DCDC2C: variants seen among roughly 807,000 people sequenced by gnomAD.
The protein encoded by DCDC2C is doublecortin domain-containing protein 2C.
Under a neutral mutation model 45.0 loss-of-function variants are expected in DCDC2C, and 44 were observed. The observed-to-expected ratio is 0.98, with a 90% confidence interval of 0.77 to 1.26. The LOEUF is 1.26. Among genes scored for constraint, DCDC2C ranks in the 50% most tolerant of loss-of-function variants. DCDC2C has a pLI of 0.00. For synonymous variants in DCDC2C, 187 were observed against 178.8 expected, an observed-to-expected ratio of 1.05 and a Z score of -0.37; for missense variants, 447 against 468.9, an observed-to-expected ratio of 0.95 and a Z score of 0.43.
At chr2:3,715,738 C>T (rs1183584742) in intron 2 of DCDC2C, among the ~76,000 whole-genome samples, 1 of 152,152 alleles carries the variant, frequency 6.6e-6, no homozygotes, top group Non-Finnish European at 1.5e-5. Flanking sequence ...TCACTAAATA[C>T]TTCTTGAGCA....
rs149245787 is a variant in DCDC2C, at chr2:3,774,702, G to A, written c.955-4114G>A. Among the ~76,000 whole-genome samples the A allele has an allele frequency of 1.5e-3, 234 of 152,250 alleles. 1 individual carries two copies. The highest frequency in any genetic ancestry group is 0.011 in the Admixed American group (171 of 15,288). On this transcript the variant is annotated intron_variant, in intron 8 of 10. Coordinates refer to ENST00000399143, the MANE Select transcript of DCDC2C (RefSeq NM_001287444.2). ...TTAGCGGAATCAGCCTTTACTTCTC[G>A]TGTCTGGAAAGGGATTCAGGCTCCG...
chr2:3,748,735 C>G (rs1049956389), intron 4 of DCDC2C, among the ~76,000 whole-genome samples: 1 of 152,120 alleles, frequency 6.6e-6, no homozygotes, highest in African/African-American at 2.4e-5. Flanking sequence ...GTTCTGGGCT[C>G]AGCTTCCTGA....
rs193044351 is a variant in DCDC2C, at chr2:3,765,282, G to A, written c.727-2472G>A. Among the ~76,000 whole-genome samples, 74 of 152,308 alleles carry A rather than the reference G, an allele frequency of 4.9e-4. No individual in the cohort carries two copies. The East Asian group carries it at 0.014, about 28-fold the overall frequency. Reference sequence around the variant, plus strand: ...GAGCAACTATTATGCTTGCTGAATTGAACACACGCACATATTGAGAGCTGA... The same window carrying A: ...GAGCAACTATTATGCTTGCTGAATTAAACACACGCACATATTGAGAGCTGA... On this transcript the variant is annotated intron_variant, in intron 6 of 10. Coordinates refer to ENST00000399143, the MANE Select transcript of DCDC2C (RefSeq NM_001287444.2).
At chr2:3,746,250 C>T (rs1439461779) in intron 4 of DCDC2C, among the ~76,000 whole-genome samples, 1 of 152,166 alleles carries the variant, frequency 6.6e-6, no homozygotes, top group Admixed American at 6.5e-5. Context: ...AGAGACCTTC[C>T]AGAAGAGATG....
At chr2:3,817,187 G>T (rs1671577157) in intron 10 of DCDC2C, among the ~76,000 whole-genome samples, 2 of 152,322 alleles carry the variant, frequency 1.3e-5, no homozygotes, top group African/African-American at 2.4e-5. Context: ...CATTAGCACT[G>T]CCCTGAGTGA....
At chr2:3,759,281 T>G (rs1429325695) in intron 6 of DCDC2C, among the ~76,000 whole-genome samples, 1 of 152,210 alleles carries the variant, frequency 6.6e-6, no homozygotes, top group Non-Finnish European at 1.5e-5. Flanking sequence ...TTCTCATTTT[T>G]CTTTATGTAC....
chr2:3,837,620 G>GCATACAGTATCAAGAGAGGC lies in DCDC2C; in HGVS notation c.1066-9534_1066-9533insCATACAGTATCAAGAGAGGC, dbSNP rs1672113253. ...TCTCATCTAAAGGGGAAGAAACTGA[G>GCATACAGTATCAAGAGAGGC]GAAGAAATCAGCCTTTGGCTCCCCC... On this transcript the variant is annotated intron_variant, in intron 10 of 10. Coordinates refer to ENST00000399143, the MANE Select transcript of DCDC2C (RefSeq NM_001287444.2). Among the ~76,000 whole-genome samples, 2 of 102,384 alleles carry GCATACAGTATCAAGAGAGGC rather than the reference G, an allele frequency of 2.0e-5. 1 individual carries two copies. The highest frequency in any genetic ancestry group is 4.7e-5 in the Non-Finnish European group (2 of 43,000). 67.2% of individuals were successfully genotyped at this position (102,384 alleles called of 152,430 possible). A position where few individuals can be genotyped will look rare whatever the true frequency, so the allele number is the denominator to read the frequency against.
chr2:3,777,508 C>A (rs562923902), intron 8 of DCDC2C, among the ~76,000 whole-genome samples: 1 of 152,118 alleles, frequency 6.6e-6, no homozygotes, highest in Non-Finnish European at 1.5e-5. Context: ...GATATCACAT[C>A]GACTATTCTT....
intron 3 of DCDC2C, among the ~76,000 whole-genome samples, chr2:3,733,431 C>G (rs1668930890): frequency 6.6e-6 from 1 of 152,178 alleles, no homozygotes. Context: ...CCATGTGGCT[C>G]TCTTGTGTTA....
At chr2:3,772,800 G>A (rs1433940034) in intron 8 of DCDC2C, among the ~76,000 whole-genome samples, 1 of 152,120 alleles carries the variant, frequency 6.6e-6, no homozygotes. Context: ...CTCTATCAAC[G>A]GACACAGGGC....
intron 3 of DCDC2C, among the ~76,000 whole-genome samples, chr2:3,737,933 A>G (rs560191149): frequency 1.3e-5 from 2 of 152,358 alleles, no homozygotes; most frequent in African/African-American, 4.8e-5. Context: ...TGCATTGACA[A>G]AGTAGTTTTA....
chr2:3,791,106 C>T (rs1670798384), intron 10 of DCDC2C, among the ~76,000 whole-genome samples: 1 of 149,004 alleles, frequency 6.7e-6, no homozygotes, highest in African/African-American at 2.4e-5. Context: ...GAGACTCTGT[C>T]TCAAAAAAAA....
chr2:3,761,254 G>A lies in DCDC2C; in HGVS notation c.727-6500G>A, dbSNP rs564693988. Among the ~76,000 whole-genome samples the A allele has an allele frequency of 1.3e-5, 2 of 152,272 alleles. No individual in the cohort carries two copies. Among genetic ancestry groups the A allele is most frequent in the East Asian group, 3.9e-4 (2 of 5,188 alleles). On this transcript the variant is annotated intron_variant, in intron 6 of 10. Transcript: ENST00000399143. This position sits in a 1 kb window ranked among gnomAD's most constrained non-coding sequence, Gnocchi z 4.3. The stretch of plus-strand genomic sequence containing the variant: ...TGAAAAATCAGTAAATAGTTAATAA[G>A]CATTGTATTTATATCACATCTGCAA...
chr2:3,710,821 C>T (rs538367451), intron 2 of DCDC2C, among the ~76,000 whole-genome samples: 101 of 152,250 alleles, frequency 6.6e-4, no homozygotes, highest in African/African-American at 2.1e-3. Flanking sequence ...TAGTATTCCA[C>T]GGTGTATATG....
At position 3,747,900 on chromosome 2, in the gene DCDC2C, G is replaced by A. The variant is rs58284274; in HGVS notation, c.546-4863G>A. On this transcript the variant is annotated intron_variant, in intron 4 of 10. Transcript: ENST00000399143. ...AGGAATGAAGCAGGGCAGGGCTTGC[G>A]GTGAGTCACTGGGCTGGTCAGGGCG... Among the ~76,000 whole-genome samples the A allele has an allele frequency of 1.1e-3, 162 of 152,282 alleles. 1 individual carries two copies. In the East Asian group the frequency reaches 0.017, roughly 16 times the overall value.
chr2:3,806,226 AG>A (rs1164563144), intron 10 of DCDC2C, among the ~76,000 whole-genome samples: 1 of 152,190 alleles, frequency 6.6e-6, no homozygotes, highest in Non-Finnish European at 1.5e-5. Flanking sequence ...GATGCTTTCA[AG>A]GACGGCTGGC....
chr2:3,825,962 A>G (rs149279559), intron 10 of DCDC2C, among the ~76,000 whole-genome samples: 1 of 152,364 alleles, frequency 6.6e-6, no homozygotes, highest in East Asian at 1.9e-4. Context: ...TTCAGAGAAA[A>G]GAGTTTCAGC....
intron 10 of DCDC2C, among the ~76,000 whole-genome samples, chr2:3,786,377 G>A (rs1254071212): frequency 7.2e-5 from 10 of 138,828 alleles, no homozygotes; most frequent in African/African-American, 2.8e-4. Context: ...CGGAGCCTCC[G>A]GTGCGGGTGT....
chr2:3,726,332 T>G (rs1668686392), intron 2 of DCDC2C, among the ~76,000 whole-genome samples: 1 of 151,668 alleles, frequency 6.6e-6, no homozygotes, highest in Admixed American at 6.6e-5. Flanking sequence ...CAATCAGAGC[T>G]CCCCCCATTT....
Sources: gnomAD v4.1 joint callset for allele counts (sites outside exome capture counted in the v4.1 genomes callset) on GRCh38, gnomAD v4.1.1 for gene constraint, Gnocchi (gnomAD v3.1) non-coding constraint, MANE v1.5 for transcripts, NCBI Gene and HGNC (gene_info 2026-07-23, HGNC 2026-07-21) for gene names.